Variants in GRIK4 observed in about 807,000 individuals in gnomAD.
GRIK4 encodes the protein glutamate receptor ionotropic, kainate 4.
Under a neutral mutation model 104.9 loss-of-function variants are expected in GRIK4, and 40 were observed. That is an observed-to-expected ratio of 0.38 (90% CI 0.30 to 0.50). The LOEUF (loss-of-function observed/expected upper bound fraction) is 0.50. Ranked by LOEUF, GRIK4 falls within the 20% of genes least tolerant of loss-of-function variation. The pLI is 0.93. For synonymous variants in GRIK4, 485 were observed against 524.9 expected (o/e 0.92, Z 1.04); for missense variants, 1,047 against 1,308.1 (o/e 0.80, Z 3.08).
intron 3 of GRIK4, among the ~76,000 whole-genome samples, chr11:120,777,397 A>G (rs1952064426): frequency 1.3e-5 from 2 of 152,212 alleles, no homozygotes; most frequent in African/African-American, 4.8e-5. Context: ...GCAACTTCCC[A>G]GAAAGATGGG....
In GRIK4 at chr11:120,960,936, A is replaced by T. The variant is rs568778812; in HGVS notation, c.1902A>T (p.Ser634=). The T allele has an allele frequency of 3.1e-6, 5 of 1,613,172 alleles. No individual in the cohort carries two copies. The highest frequency in any genetic ancestry group is 1.7e-4 in the Middle Eastern group (1 of 6,060). Residue 634 remains serine, a synonymous_variant, in exon 17 of 21, where the codon TCA becomes TCT. Transcript: ENST00000527524. ...GGGCATTCACGCTGATCATCATCTCATCCTACACGGCCAACCTGGCAGCCT... is the reference window on the plus strand; with the variant it reads ...GGGCATTCACGCTGATCATCATCTCTTCCTACACGGCCAACCTGGCAGCCT... ...VWWAFTLIII[S]SYTANLAAFL... is the part of the protein sequence containing the mutation.
chr11:120,943,055 T>A (rs2134652711), intron 14 of GRIK4, among the ~76,000 whole-genome samples: 1 of 151,794 alleles, frequency 6.6e-6, no homozygotes. Flanking sequence ...TGAGCCAATT[T>A]CTTACAATAA....
At chr11:120,976,125 T>C (rs117338265) in intron 19 of GRIK4, among the ~76,000 whole-genome samples, 2 of 152,250 alleles carry the variant, frequency 1.3e-5, no homozygotes, top group African/African-American at 4.8e-5. Context: ...TCTTTAACTG[T>C]AAAGTGGGGA....
chr11:120,597,141 G>A (rs1948813122), intron 1 of GRIK4, among the ~76,000 whole-genome samples: 1 of 152,214 alleles, frequency 6.6e-6, no homozygotes, highest in Admixed American at 6.5e-5. Context: ...GAACATGACA[G>A]CTTCATGCCA....
intron 16 of GRIK4, among the ~76,000 whole-genome samples, chr11:120,958,214 C>T (rs193161040): frequency 6.6e-6 from 1 of 152,252 alleles, no homozygotes; most frequent in African/African-American, 2.4e-5. Context: ...CCACTTTATC[C>T]GCTTGTCAGC....
chr11:120,767,736 A>T (rs1951864629), intron 3 of GRIK4, among the ~76,000 whole-genome samples: 1 of 152,138 alleles, frequency 6.6e-6, no homozygotes, highest in South Asian at 2.1e-4. Context: ...GTGGTGTAAG[A>T]TAAGGGTCCA....
rs572393928 is a variant in GRIK4, at chr11:120,912,865, C to T, written c.1476+7372C>T. Reference sequence around the variant, plus strand: ...ATTGGCAGTGTCAGTAAAAGGTAGGCGGGATGGAGGCTGGAGATGATGGAG... The same window carrying T: ...ATTGGCAGTGTCAGTAAAAGGTAGGTGGGATGGAGGCTGGAGATGATGGAG... On this transcript the variant is annotated intron_variant, in intron 13 of 20. Coordinates refer to ENST00000527524, the MANE Select transcript of GRIK4 (RefSeq NM_014619.5). Among the ~76,000 whole-genome samples, 14 of 152,182 alleles carry T rather than the reference C, an allele frequency of 9.2e-5. No homozygotes were observed. In the East Asian group the frequency reaches 2.1e-3, roughly 23 times the overall value.
chr11:120,719,090 A>T (rs1045193031), intron 3 of GRIK4, among the ~76,000 whole-genome samples: 1 of 152,086 alleles, frequency 6.6e-6, no homozygotes, highest in East Asian at 1.9e-4. Context: ...AGTTTTTTTT[A>T]AAGTGTATAA....
intron 1 of GRIK4, among the ~76,000 whole-genome samples, chr11:120,627,066 C>A (rs1196787201): frequency 1.3e-5 from 2 of 152,186 alleles, no homozygotes; most frequent in Non-Finnish European, 2.9e-5. Context: ...TTGTGCTGAT[C>A]TGTTCTTGAG....
At chr11:120,955,059 G>A (rs551944840) in intron 15 of GRIK4, among the ~76,000 whole-genome samples, 109 of 152,270 alleles carry the variant, frequency 7.2e-4, no homozygotes, top group African/African-American at 2.5e-3. Context: ...AAAAATGTCT[G>A]AAAACAACAG....
At position 120,940,422 on chromosome 11, in the gene GRIK4, A is replaced by T; in HGVS notation, c.1552A>T (p.Met518Leu). 6.2e-7 allele frequency: 1 copy of T among 1,612,678 alleles called. No homozygotes were observed. Among genetic ancestry groups the T allele is most frequent in the Non-Finnish European group, 8.5e-7 (1 of 1,178,678 alleles). Residue 518 changes from methionine to leucine, a missense_variant, in exon 14 of 21, where the codon ATG becomes TTG. Around this residue, in one of 3 missense-constraint regions of GRIK4, gnomAD observed 440 missense variants for 652.3 expected, o/e 0.67. Coordinates refer to ENST00000527524, the MANE Select transcript of GRIK4 (RefSeq NM_014619.5). This position sits in a 1 kb window ranked among gnomAD's most constrained non-coding sequence, Gnocchi z 4.3. ...GGTGATTGATTTCTCTAAGCCATTC[A>T]TGACTCTGGGAATTAGCATTCTTTA... Reference protein sequence around the residue: ...EKVIDFSKPFMTLGISILYRV... With the variant: ...EKVIDFSKPFLTLGISILYRV...
At chr11:120,639,594 C>T (rs561880337) in intron 1 of GRIK4, among the ~76,000 whole-genome samples, 107 of 152,254 alleles carry the variant, frequency 7.0e-4, no homozygotes, top group Admixed American at 1.2e-3. Flanking sequence ...GGAAGGCATC[C>T]TTGCTTTGCA....
chr11:120,512,316 C>T (rs1409082795), intron 1 of GRIK4, among the ~76,000 whole-genome samples: 5 of 151,778 alleles, frequency 3.3e-5, no homozygotes, highest in Non-Finnish European at 5.9e-5. Context: ...CGCGTCTCCC[C>T]TACACCTCGT....
chr11:120,875,683 G>A (rs1954766770), intron 11 of GRIK4, among the ~76,000 whole-genome samples: 1 of 152,056 alleles, frequency 6.6e-6, no homozygotes, highest in Non-Finnish European at 1.5e-5. Flanking sequence ...CCAACCCACA[G>A]CTCCCACCCC....
chr11:120,777,481 G>C (rs183250588), intron 3 of GRIK4, among the ~76,000 whole-genome samples: 119 of 152,374 alleles, frequency 7.8e-4, no homozygotes, highest in South Asian at 6.0e-3. Flanking sequence ...GGGAAGTATT[G>C]AGTGAGTGCC....
At chr11:120,972,801 T>A (rs1944497050) in intron 19 of GRIK4, among the ~76,000 whole-genome samples, 1 of 152,066 alleles carries the variant, frequency 6.6e-6, no homozygotes, top group Non-Finnish European at 1.5e-5. Flanking sequence ...TTTGGCTGTG[T>A]AATGGGCTTG....
intron 1 of GRIK4, among the ~76,000 whole-genome samples, chr11:120,554,696 T>C (rs1384244409): frequency 6.6e-6 from 1 of 152,124 alleles, no homozygotes; most frequent in Non-Finnish European, 1.5e-5. Context: ...GCAGCTGGGA[T>C]TACAGACGCC....
At position 120,738,132 on chromosome 11, in the gene GRIK4, C is replaced by T. The variant is rs112321728; in HGVS notation, c.83-64561C>T. On this transcript the variant is annotated intron_variant, in intron 3 of 20. Coordinates refer to ENST00000527524, the MANE Select transcript of GRIK4 (RefSeq NM_014619.5). The stretch of plus-strand genomic sequence containing the variant: ...CGGAGGCAAGAAAACAAAGTGGTAG[C>T]TATAAAGGAACAGATGAATGAGATA... Among the ~76,000 whole-genome samples, 1,463 of 152,192 alleles carry T rather than the reference C, an allele frequency of 9.6e-3. 20 individuals are homozygous for T. Among genetic ancestry groups the T allele is most frequent in the African/African-American group, 0.033 (1,384 of 41,538 alleles).
rs755279336 is a variant in GRIK4, at chr11:120,982,273, G to C, written c.2514+49G>C. On this transcript the variant is annotated intron_variant, in intron 20 of 20. Coordinates refer to ENST00000527524, the MANE Select transcript of GRIK4 (RefSeq NM_014619.5). Reference sequence around the variant, plus strand: ...CGATCGTGTTGGCAGATGGGGTGAAGTTCACAGGCTCATGCACATATAAGG... The same window carrying C: ...CGATCGTGTTGGCAGATGGGGTGAACTTCACAGGCTCATGCACATATAAGG... 6.1e-6 allele frequency: 6 copies of C among 979,658 alleles called. No homozygotes were observed. The South Asian group carries it at 7.7e-5, about 13-fold the overall frequency. 60.7% of individuals were successfully genotyped at this position (979,658 alleles called of 1,614,324 possible). A position where few individuals can be genotyped will look rare whatever the true frequency, so the allele number is the denominator to read the frequency against.
Sources: gnomAD v4.1 joint callset for allele counts (sites outside exome capture counted in the v4.1 genomes callset) on GRCh38, gnomAD v4.1.1 for gene constraint, gnomAD v4.1.1 regional missense constraint, Gnocchi (gnomAD v3.1) non-coding constraint, MANE v1.5 for transcripts, NCBI Gene and HGNC (gene_info 2026-07-23, HGNC 2026-07-21) for gene names.